MICAL3: variants seen among roughly 807,000 people sequenced by gnomAD.
MICAL3 encodes the protein [F-actin]-monooxygenase MICAL3.
Under a neutral mutation model 207.4 loss-of-function variants are expected in MICAL3, and 62 were observed. The observed-to-expected ratio is 0.30, with a 90% confidence interval of 0.24 to 0.37. The LOEUF is 0.37. Among genes scored for constraint, MICAL3 ranks in the 10% least tolerant of loss-of-function variants. The pLI is 1.00. For missense variants in MICAL3, 2,368 were observed against 2,635.6 expected, an observed-to-expected ratio of 0.90 and a Z score of 2.22; for synonymous variants, 1,077 against 1,069.3, an observed-to-expected ratio of 1.01 and a Z score of -0.14.
chr22:17,876,828 A>AGGGAGG (rs1928499867), intron 16 of MICAL3: 1 of 137,822 alleles, frequency 7.3e-6, no homozygotes, highest in Non-Finnish European at 1.6e-5. Flanking sequence ...TAGGGAGGTT[A>AGGGAGG]TGGAGGTTAG....
intron 16 of MICAL3, among the ~76,000 whole-genome samples, chr22:17,879,760 T>C (rs1929246025): frequency 6.6e-6 from 1 of 152,140 alleles, no homozygotes; most frequent in Non-Finnish European, 1.5e-5. Flanking sequence ...GGGTGACACA[T>C]TCCACAACAA....
chr22:18,023,998 C>G (rs539265727), intron 1 of MICAL3, among the ~76,000 whole-genome samples: 7 of 152,204 alleles, frequency 4.6e-5, no homozygotes, highest in African/African-American at 1.4e-4. Flanking sequence ...GGGAGACAGC[C>G]CTGCTCTCTG....
At chr22:17,830,790 C>T (rs977684557) in intron 21 of MICAL3, among the ~76,000 whole-genome samples, 14 of 152,192 alleles carry the variant, frequency 9.2e-5, no homozygotes, top group African/African-American at 1.9e-4. Context: ...TTAGGGAGCC[C>T]GAGGAAGTCC....
chr22:17,817,242 C>A lies in MICAL3; in HGVS notation c.5350+69G>T, dbSNP rs1921094325. On this transcript the variant is annotated intron_variant, in intron 26 of 31. Transcript: ENST00000441493. The stretch of plus-strand genomic sequence containing the variant: ...AGCGTGTGAGTGTGGATCCTGAGAG[C>A]CCCAGTGACCCCAGCCCCTCCCGCA... 13 of 1,475,724 alleles carry A rather than the reference C, an allele frequency of 8.8e-6. No homozygotes were observed. In the South Asian group the frequency reaches 1.8e-4, roughly 20 times the overall value. The allele number at this position is 1,475,724 out of a possible 1,614,324, so 91.4% of individuals were successfully genotyped here. A position where few individuals can be genotyped will look rare whatever the true frequency, so the allele number is the denominator to read the frequency against.
At chr22:17,863,133 T>A (rs992305183) in intron 19 of MICAL3, 1 of 985,378 alleles carries the variant, frequency 1.0e-6, no homozygotes, top group Non-Finnish European at 1.2e-6. Flanking sequence ...AAACCCATTA[T>A]ACTTTCAATT....
Position 17,791,247 on chromosome 22 carries a change from T to C in MICAL3, c.5705A>G (p.Gln1902Arg), listed in dbSNP as rs764604017. ...KLMQEWFKLV[Q>R]EKNAMVRYES... ...GTAGCGCACCATGGCGTTCTTCTCCTGCACTAGCTTGAACCACTCCTGCAT... is the reference window on the plus strand; with the variant it reads ...GTAGCGCACCATGGCGTTCTTCTCCCGCACTAGCTTGAACCACTCCTGCAT... The change falls in exon 30 of 32, where the codon CAG becomes CGG. Residue 1902 changes from glutamine (Q) to arginine (R), a missense_variant. Physicochemically the swap from Gln to Arg is conservative, Grantham distance 43 (BLOSUM62 1). Around this residue, in one of 4 missense-constraint regions of MICAL3, gnomAD observed 1,770 missense variants for 1,863.2 expected, o/e 0.95. Transcript: ENST00000441493. 5 of 1,613,840 alleles carry C rather than the reference T, an allele frequency of 3.1e-6. No homozygotes were observed. In the African/African-American group the frequency reaches 4.0e-5, roughly 13 times the overall value.
At chr22:17,953,256 T>C (rs1934436676) in intron 1 of MICAL3, among the ~76,000 whole-genome samples, 1 of 152,022 alleles carries the variant, frequency 6.6e-6, no homozygotes, top group Non-Finnish European at 1.5e-5. Context: ...ATAGGAAAAA[T>C]AATAAATTAC....
At chr22:17,864,614 G>C (rs1435917475) in intron 19 of MICAL3, 5 of 1,545,408 alleles carry the variant, frequency 3.2e-6, no homozygotes, top group Non-Finnish European at 4.3e-6. Flanking sequence ...GGGGCTGAGG[G>C]ACAGCACTTC....
chr22:17,978,622 T>G (rs1361609406), intron 1 of MICAL3, among the ~76,000 whole-genome samples: 1 of 151,748 alleles, frequency 6.6e-6, no homozygotes, highest in Non-Finnish European at 1.5e-5. Context: ...CAAACAATTC[T>G]CCTACTTCAG....
intron 1 of MICAL3, among the ~76,000 whole-genome samples, chr22:17,990,615 C>CGGG (rs1921572091): frequency 6.6e-6 from 1 of 152,190 alleles, no homozygotes; most frequent in South Asian, 2.1e-4. Context: ...ACAGCACAGT[C>CGGG]GGGTTCCAGA....
chr22:18,002,849 A>C (rs1923128797), intron 1 of MICAL3, among the ~76,000 whole-genome samples: 1 of 151,858 alleles, frequency 6.6e-6, no homozygotes, highest in African/African-American at 2.4e-5. Flanking sequence ...AACTTTGAGC[A>C]TTATCCACTA....
Position 17,841,690 on chromosome 22 carries a change from G to A in MICAL3, c.2801+132C>T. 2 of 851,260 alleles carry A rather than the reference G, an allele frequency of 2.3e-6. No individual in the cohort carries two copies. Among genetic ancestry groups the A allele is most frequent in the South Asian group, 3.2e-5 (2 of 62,118 alleles). The allele number at this position is 851,260 out of a possible 1,614,324, so 52.7% of individuals were successfully genotyped here. A position where few individuals can be genotyped will look rare whatever the true frequency, so the allele number is the denominator to read the frequency against. ...TGAGGCTAAGAACCTAAAAGGGACT[G>A]GGGAGAATGGACTGCGGGCAGCAGG... is the stretch of plus-strand genomic sequence containing the variant. On this transcript the variant is annotated intron_variant, in intron 20 of 31. Transcript: ENST00000441493. The surrounding 1 kb of genome is among the most constrained non-coding windows in gnomAD (Gnocchi z 4.2).
chr22:17,843,087 C>A (rs185184765), intron 19 of MICAL3, among the ~76,000 whole-genome samples: 1 of 137,932 alleles, frequency 7.2e-6, no homozygotes, highest in Non-Finnish European at 1.5e-5. Context: ...CGCCACTGCA[C>A]TCCAGCCTGG....
chr22:17,818,009 G>A lies in MICAL3; in HGVS notation c.4652C>T (p.Pro1551Leu), dbSNP rs61744842. ...EKFFTPPSCWPRPEKPRHPPL... is the reference protein window; with the variant it reads ...EKFFTPPSCWLRPEKPRHPPL... ...CGGGTGGCGAGGCTTCTCGGGGCGCGGCCAGCAGGACGGGGGCGTGAAGAA... is the reference window on the plus strand; with the variant it reads ...CGGGTGGCGAGGCTTCTCGGGGCGCAGCCAGCAGGACGGGGGCGTGAAGAA... Residue 1551 changes from proline to leucine, a missense_variant, in exon 26 of 32, where the codon CCG becomes CTG. This residue lies in a region of MICAL3 where 1,770 missense variants were observed against 1,863.2 expected (regional missense o/e 0.95). Coordinates refer to ENST00000441493, the MANE Select transcript of MICAL3 (RefSeq NM_015241.3). 0.048 allele frequency: 78,035 copies of A among 1,612,186 alleles called. 2,073 individuals carry two copies. The highest frequency in any genetic ancestry group is 0.11 in the East Asian group (4,718 of 44,848).
chr22:17,918,836 C>T (rs1184570905), intron 1 of MICAL3, among the ~76,000 whole-genome samples: 1 of 152,152 alleles, frequency 6.6e-6, no homozygotes, highest in Non-Finnish European at 1.5e-5. Context: ...TACTAGTGAG[C>T]ATCTATTATG....
chr22:17,929,562 T>C (rs566890130), intron 1 of MICAL3, among the ~76,000 whole-genome samples: 1 of 106,526 alleles, frequency 9.4e-6, no homozygotes, highest in African/African-American at 4.0e-5. Context: ...TCTTTCCTTT[T>C]CTTTTCTTTT....
At chr22:17,993,703 C>A (rs1921949544) in intron 1 of MICAL3, among the ~76,000 whole-genome samples, 1 of 152,212 alleles carries the variant, frequency 6.6e-6, no homozygotes, top group Non-Finnish European at 1.5e-5. Context: ...GACTCTGCCC[C>A]CTGAGAAGCA....
intron 19 of MICAL3, among the ~76,000 whole-genome samples, chr22:17,845,413 A>T (rs979656243): frequency 2.0e-5 from 3 of 152,218 alleles, no homozygotes; most frequent in Non-Finnish European, 4.4e-5. Flanking sequence ...CTCTACTCTA[A>T]AAGAGCTTCA....
intron 19 of MICAL3, among the ~76,000 whole-genome samples, chr22:17,844,779 A>G (rs529524133): frequency 3.3e-5 from 5 of 152,328 alleles, no homozygotes; most frequent in Admixed American, 3.3e-4. Flanking sequence ...AGAATATGCT[A>G]TGATGCTGGG....
Sources: gnomAD v4.1 joint callset for allele counts (sites outside exome capture counted in the v4.1 genomes callset) on GRCh38, gnomAD v4.1.1 for gene constraint, gnomAD v4.1.1 regional missense constraint, Gnocchi (gnomAD v3.1) non-coding constraint, MANE v1.5 for transcripts, NCBI Gene and HGNC (gene_info 2026-07-23, HGNC 2026-07-21) for gene names.